Variants in TMEM267 observed in about 807,000 individuals in gnomAD.
TMEM267 encodes the protein transmembrane protein 267.
A neutral mutation model predicts 19.3 loss-of-function variants in TMEM267; 20 were observed. The observed-to-expected ratio is 1.04, with a 90% CI of 0.73 to 1.51. The LOEUF is 1.51. Ranked by LOEUF, TMEM267 falls within the 40% of genes most tolerant of loss-of-function variation. TMEM267 has a pLI of 0.00. For synonymous variants in TMEM267, 88 were observed against 90.3 expected (o/e 0.97, Z 0.15); for missense variants, 242 against 261.9 (o/e 0.92, Z 0.52).
chr5:43,465,331 G>A (rs1743584793), intron 1 of TMEM267, among the ~76,000 whole-genome samples: 1 of 152,162 alleles, frequency 6.6e-6, no homozygotes, highest in African/African-American at 2.4e-5. Flanking sequence ...GGATGTGGAT[G>A]TGGAGAAATA....
chr5:43,448,972 A>G (rs1742421729), intron 2 of TMEM267, among the ~76,000 whole-genome samples: 2 of 152,122 alleles, frequency 1.3e-5, no homozygotes, highest in Non-Finnish European at 2.9e-5. Flanking sequence ...AAAATGGAAA[A>G]AAAATAGATT....
chr5:43,473,729 T>C (rs1253642926), intron 1 of TMEM267, among the ~76,000 whole-genome samples: 2 of 152,162 alleles, frequency 1.3e-5, no homozygotes, highest in Non-Finnish European at 1.5e-5. Flanking sequence ...CAAGCTACCA[T>C]TGACTTCCTT....
chr5:43,449,390 A>G (rs984551825), intron 2 of TMEM267, among the ~76,000 whole-genome samples: 7 of 152,184 alleles, frequency 4.6e-5, no homozygotes, highest in Non-Finnish European at 8.8e-5. Flanking sequence ...AAGAAACAAC[A>G]TATGTGTAAC....
Position 43,449,636 on chromosome 5 carries a change from A to C in TMEM267, c.313-3079T>G, listed in dbSNP as rs1026192931. ...TAACTTGCAGAGGCAATAGTATTAC[A>C]CTGGCATTGGATTTCTCCCCCCAAC... On this transcript the variant is annotated intron_variant, in intron 2 of 2. Transcript: ENST00000397080. Among the ~76,000 whole-genome samples, 32 of 152,242 alleles carry C rather than the reference A, an allele frequency of 2.1e-4. 1 individual carries two copies. Among genetic ancestry groups the C allele is most frequent in the Admixed American group, 2.1e-3 (32 of 15,292 alleles).
At chr5:43,449,343 G>A (rs1463353551) in intron 2 of TMEM267, among the ~76,000 whole-genome samples, 1 of 152,008 alleles carries the variant, frequency 6.6e-6, no homozygotes, top group Non-Finnish European at 1.5e-5. Context: ...AGTAAAAACA[G>A]TCAGGTAGAA....
In TMEM267 at chr5:43,444,743, A is replaced by C. The variant is rs930928049; in HGVS notation, c.*1479T>G. On this transcript the variant is annotated 3_prime_UTR_variant, in exon 3 of 3. Coordinates refer to ENST00000397080, the MANE Select transcript of TMEM267 (RefSeq NM_022483.5). Reference sequence around the variant, plus strand: ...AGCCAGTGCTTAAAAAAAAAACTCTAATCAAATTTACCCCCACTATATAAT... The same window carrying C: ...AGCCAGTGCTTAAAAAAAAAACTCTCATCAAATTTACCCCCACTATATAAT... 6.6e-6 allele frequency: 1 copy of C among 152,104 alleles called. No homozygotes were observed. Among genetic ancestry groups the C allele is most frequent in the Non-Finnish European group, 1.5e-5 (1 of 68,026 alleles). The allele number at this position is 152,104 out of a possible 1,614,324, so 9.4% of individuals were successfully genotyped here. A position where few individuals can be genotyped will look rare whatever the true frequency, so the allele number is the denominator to read the frequency against.
At chr5:43,452,975 G>A (rs1055185304) in intron 2 of TMEM267, among the ~76,000 whole-genome samples, 1 of 152,072 alleles carries the variant, frequency 6.6e-6, no homozygotes, top group Non-Finnish European at 1.5e-5. Context: ...GTAAAATATA[G>A]GCAAATCTTC....
At chr5:43,479,303 T>C (rs938224393) in intron 1 of TMEM267, among the ~76,000 whole-genome samples, 3 of 152,004 alleles carry the variant, frequency 2.0e-5, no homozygotes, top group African/African-American at 7.2e-5. Context: ...GTTTATTTGG[T>C]TTGTTTCTCA....
chr5:43,463,168 C>G (rs1743383332), intron 1 of TMEM267, among the ~76,000 whole-genome samples: 1 of 152,192 alleles, frequency 6.6e-6, no homozygotes, highest in Non-Finnish European at 1.5e-5. Flanking sequence ...CACCTCTATG[C>G]AAATAAACTA....
intron 1 of TMEM267, among the ~76,000 whole-genome samples, chr5:43,475,446 G>C (rs934942384): frequency 6.6e-6 from 1 of 152,068 alleles, no homozygotes; most frequent in East Asian, 1.9e-4. Flanking sequence ...GATGGGTGCA[G>C]CAAACCACCA....
intron 2 of TMEM267, among the ~76,000 whole-genome samples, chr5:43,448,354 T>C (rs1051913799): frequency 6.6e-6 from 1 of 152,246 alleles, no homozygotes; most frequent in African/African-American, 2.4e-5. Flanking sequence ...AGTTCATCAT[T>C]GGTCCTTTTG....
upstream of TMEM267, chr5:43,483,948 G>C (rs1264140046): frequency 2.0e-5 from 3 of 152,218 alleles, no homozygotes; most frequent in Non-Finnish European, 1.5e-5. Context: ...GAGGACGCCG[G>C]GATACTGGCC....
chr5:43,457,983 T>C (rs1184445956), intron 1 of TMEM267, among the ~76,000 whole-genome samples: 1 of 152,060 alleles, frequency 6.6e-6, no homozygotes, highest in East Asian at 1.9e-4. Flanking sequence ...ACTGCAACCT[T>C]GACTTCCTAG....
At chr5:43,470,638 A>G (rs1185093398) in intron 1 of TMEM267, among the ~76,000 whole-genome samples, 1 of 152,212 alleles carries the variant, frequency 6.6e-6, no homozygotes, top group African/African-American at 2.4e-5. Context: ...TCACAACACC[A>G]AATGGGGGAA....
intron 2 of TMEM267, 21 bp from the exon 3 acceptor site, chr5:43,446,578 C>T (rs367731073): frequency 2.0e-5 from 30 of 1,491,042 alleles, no homozygotes; most frequent in Admixed American, 4.2e-5. Flanking sequence ...AAAGTAATAG[C>T]GAGTATCATT....
intron 1 of TMEM267, chr5:43,479,807 A>T (rs1165247768): frequency 5.0e-6 from 2 of 399,940 alleles, no homozygotes; most frequent in African/African-American, 4.3e-5. Context: ...TTTTCTATAG[A>T]TTCTTCCAGG....
At position 43,444,258 on chromosome 5, in the gene TMEM267, T is replaced by C. The variant is rs780858515; in HGVS notation, c.*1964A>G. 3.3e-5 allele frequency: 5 copies of C among 152,150 alleles called. No individual in the cohort carries two copies. Among genetic ancestry groups the C allele is most frequent in the Non-Finnish European group, 7.4e-5 (5 of 68,016 alleles). The allele number at this position is 152,150 out of a possible 1,614,324, so 9.4% of individuals were successfully genotyped here. On this transcript the variant is annotated 3_prime_UTR_variant, in exon 3 of 3. Coordinates refer to ENST00000397080, the MANE Select transcript of TMEM267 (RefSeq NM_022483.5). ...GTTATGACAACCCAAAAAATGCCTATGTAGCATTCTTATTTATTTATTTTA... is the reference window on the plus strand; with the variant it reads ...GTTATGACAACCCAAAAAATGCCTACGTAGCATTCTTATTTATTTATTTTA...
intron 1 of TMEM267, among the ~76,000 whole-genome samples, chr5:43,473,746 A>G (rs563163563): frequency 2.0e-5 from 3 of 152,352 alleles, no homozygotes; most frequent in Admixed American, 2.0e-4. Flanking sequence ...CCTTCACAAA[A>G]TTGGAAAAAA....
In TMEM267 at chr5:43,481,543, A is replaced by T. The variant is rs1744764492; in HGVS notation, c.-75+2279T>A. Among the ~76,000 whole-genome samples, 3 of 152,196 alleles carry T rather than the reference A, an allele frequency of 2.0e-5. No individual in the cohort carries two copies. The South Asian group carries it at 6.2e-4, about 31-fold the overall frequency. On this transcript the variant is annotated intron_variant, in intron 1 of 2. Coordinates refer to ENST00000397080, the MANE Select transcript of TMEM267 (RefSeq NM_022483.5). Reference sequence around the variant, plus strand: ...CAAATTTAAAGCGACCTCAACAAGCAAAATTTACTGTTTACAAAAAACTGT... The same window carrying T: ...CAAATTTAAAGCGACCTCAACAAGCTAAATTTACTGTTTACAAAAAACTGT...
Sources: gnomAD v4.1 joint callset for allele counts (sites outside exome capture counted in the v4.1 genomes callset) on GRCh38, gnomAD v4.1.1 for gene constraint, MANE v1.5 for transcripts, NCBI Gene and HGNC (gene_info 2026-07-23, HGNC 2026-07-21) for gene names.